The following ABCA9 variants were observed in gnomAD, a reference collection of about 807,000 sequenced individuals.
The protein encoded by ABCA9 is ATP binding cassette subfamily A member 9.
A neutral mutation model predicts 205.3 loss-of-function variants in ABCA9; 183 were observed. That is an observed-to-expected ratio of 0.89 (90% CI 0.79 to 1.01). The LOEUF is 1.01. ABCA9 is among the 50% of genes least tolerant of loss of function. The probability of loss-of-function intolerance (pLI) is 0.00; values close to 1 mark genes in which losing one functional copy is unlikely to be tolerated. For synonymous variants in ABCA9, 651 were observed against 683.3 expected, an observed-to-expected ratio of 0.95 and a Z score of 0.74; for missense variants, 1,805 against 1,912.4, an observed-to-expected ratio of 0.94 and a Z score of 1.05.
At position 69,018,580 on chromosome 17, in the gene ABCA9, CT is replaced by C; in HGVS notation, c.2601-2del. The C allele has an allele frequency of 6.4e-7, 1 of 1,574,486 alleles. No homozygotes were observed. Among genetic ancestry groups the C allele is most frequent in the East Asian group, 2.3e-5 (1 of 43,326 alleles). On this transcript the variant is annotated splice_acceptor_variant, in intron 19 of 38. Transcript: ENST00000340001. LOFTEE classifies it high-confidence loss of function. ...AAAGCTAATACCAAAAAGCAATAAT[CT>C]ATGCAGAGGAAAATGTAAAAGAAAA...
At chr17:69,035,634 G>T in intron 7 of ABCA9, 26 bp downstream of exon 7, 3 of 1,610,386 alleles carry the variant, frequency 1.9e-6, no homozygotes. Context: ...GAGAATAAAA[G>T]ACTTAGATGA....
Position 68,996,030 on chromosome 17 carries a change from A to G in ABCA9, c.3436-16T>C, listed in dbSNP as rs748614606. On this transcript the variant is annotated splice_polypyrimidine_tract_variant and intron_variant, in intron 25 of 38. Coordinates refer to ENST00000340001, the MANE Select transcript of ABCA9 (RefSeq NM_080283.4). ...AGATGACCACCTAAAACAAATGCAC[A>G]GTATAGCGTCATTAAAGTGTACCAA... The G allele has an allele frequency of 5.0e-6, 8 of 1,609,914 alleles. No individual in the cohort carries two copies. Among genetic ancestry groups the G allele is most frequent in the Non-Finnish European group, 5.9e-6 (7 of 1,178,252 alleles).
intron 37 of ABCA9, among the ~76,000 whole-genome samples, chr17:68,980,557 T>G (rs563809208): frequency 2.1e-4 from 32 of 152,070 alleles, no homozygotes; most frequent in African/African-American, 7.7e-4. Flanking sequence ...AATGATAGAC[T>G]GGATTAAGAA....
chr17:69,045,097 T>G (rs2071666535), intron 4 of ABCA9, 75 bp downstream of exon 4: 49 of 1,255,600 alleles, frequency 3.9e-5, no homozygotes, highest in Non-Finnish European at 5.3e-5. Flanking sequence ...TAGTTTCACC[T>G]CTGCTATCAG....
chr17:69,033,838 G>C lies in ABCA9; in HGVS notation c.1164C>G (p.Ala388=). The C allele has an allele frequency of 6.2e-7, 1 of 1,606,182 alleles. No individual in the cohort carries two copies. The highest frequency in any genetic ancestry group is 8.5e-7 in the Non-Finnish European group (1 of 1,174,668). Residue 388 remains alanine (A), a synonymous_variant, in exon 9 of 39, where the codon GCC becomes GCG. Coordinates refer to ENST00000340001, the MANE Select transcript of ABCA9 (RefSeq NM_080283.4). ...ATGGATTTTGTGAAGAATCCAAGTG[G>C]GCATTAGAATTCACATCATAGTCCA... ...IHLDYDVNSN[A]HLDSSQNPYL... is the part of the protein sequence containing the mutation.
At chr17:69,064,909 TG>T (rs2072330625), upstream of ABCA9, among the ~76,000 whole-genome samples, 1 of 152,230 alleles carries the variant, frequency 6.6e-6, no homozygotes, top group South Asian at 2.1e-4. Flanking sequence ...TCTGTATTTT[TG>T]TTACTCTGTC....
chr17:69,046,689 A>G (rs753796428), intron 3 of ABCA9, among the ~76,000 whole-genome samples: 3 of 151,540 alleles, frequency 2.0e-5, no homozygotes, highest in Non-Finnish European at 4.4e-5. Flanking sequence ...AACTCATCAC[A>G]ATAGGCTGAG....
At chr17:69,048,286 T>C (rs1284556795) in intron 3 of ABCA9, among the ~76,000 whole-genome samples, 1 of 152,226 alleles carries the variant, frequency 6.6e-6, no homozygotes. Context: ...TTATGCATCA[T>C]GTCAGGCTCA....
intron 25 of ABCA9, among the ~76,000 whole-genome samples, chr17:69,003,940 A>G (rs1285268348): frequency 1.3e-5 from 2 of 152,066 alleles, no homozygotes; most frequent in Non-Finnish European, 2.9e-5. Flanking sequence ...TTCTTCACGT[A>G]GTTCTCGAGC....
At chr17:69,065,595 T>C (rs2072338727), upstream of ABCA9, among the ~76,000 whole-genome samples, 3 of 152,180 alleles carry the variant, frequency 2.0e-5, no homozygotes, top group Admixed American at 1.3e-4. Flanking sequence ...CATGTTCTCA[T>C]TTACCTCTCT....
chr17:69,020,524 G>T lies in ABCA9; in HGVS notation c.2464C>A (p.Leu822Met). The change falls in exon 19 of 39, where the codon CTG (leucine) becomes ATG (methionine). Residue 822 changes from leucine to methionine, a missense_variant. By Grantham distance (15) the Leu-to-Met change is conservative (BLOSUM62 2). Transcript: ENST00000340001. ...GAKDIGSLVE[L>M]EQVLSSFHET... ...TGGAAGGAAGACAAAACTTGTTCCA[G>T]CTCAACAAGGCTTCCTATATCTTTT... 3 of 1,614,054 alleles carry T rather than the reference G, an allele frequency of 1.9e-6. No individual in the cohort carries two copies. The highest frequency in any genetic ancestry group is 2.5e-6 in the Non-Finnish European group (3 of 1,179,956).
chr17:69,075,146 C>G, the ABCA9 span, among the ~76,000 whole-genome samples: 2 of 151,976 alleles, frequency 1.3e-5, no homozygotes, highest in Admixed American at 1.3e-4. Flanking sequence ...GATATTTGAC[C>G]TTTGTCAGAT....
the ABCA9 span, among the ~76,000 whole-genome samples, chr17:69,074,482 T>C: frequency 1.3e-5 from 2 of 152,212 alleles, no homozygotes; most frequent in Admixed American, 6.5e-5. Flanking sequence ...CTCCCACTTA[T>C]AAGTGAGAAC....
chr17:69,047,425 C>G (rs920192579), intron 3 of ABCA9, among the ~76,000 whole-genome samples: 1 of 151,344 alleles, frequency 6.6e-6, no homozygotes, highest in African/African-American at 2.4e-5. Flanking sequence ...CTGGGTGAAG[C>G]AGGAAATATA....
At chr17:68,996,892 T>G (rs754857882) in intron 25 of ABCA9, among the ~76,000 whole-genome samples, 1 of 152,206 alleles carries the variant, frequency 6.6e-6, no homozygotes, top group Non-Finnish European at 1.5e-5. Context: ...ATTATTGTGT[T>G]CTGAAATAAA....
chr17:69,003,736 C>T (rs2069984073), intron 25 of ABCA9, among the ~76,000 whole-genome samples: 1 of 151,730 alleles, frequency 6.6e-6, no homozygotes, highest in Admixed American at 6.6e-5. Context: ...TCCATTCTCC[C>T]CATCACTTTC....
At chr17:69,007,680 C>T in intron 25 of ABCA9, 79 bp downstream of exon 25, 1 of 933,238 alleles carries the variant, frequency 1.1e-6, no homozygotes. Flanking sequence ...TAATTTGCCA[C>T]TCTGCTTAGC....
chr17:68,984,304 G>C, intron 34 of ABCA9, 129 bp from the exon 35 acceptor site: 1 of 1,279,314 alleles, frequency 7.8e-7, no homozygotes, highest in South Asian at 1.5e-5. Context: ...AAAGGGGTGT[G>C]TGTAGGGATG....
rs562903428 is a variant in ABCA9, at chr17:69,023,865, CACTG to C, written c.2281+345_2281+348del. 0.012 allele frequency among the ~76,000 whole-genome samples: 1,902 copies of C among 152,224 alleles called. 35 individuals are homozygous for C. The highest frequency in any genetic ancestry group is 0.04 in the African/African-American group (1,664 of 41,536). On this transcript the variant is annotated intron_variant, in intron 17 of 38. Transcript: ENST00000340001. The surrounding 1 kb of genome is among the most constrained non-coding windows in gnomAD (Gnocchi z 4.2). ...TTTCAGCTCTTCTTCGATAGTCTGC[CACTG>C]TATTTATATACCTGTTCCTGCCCTG...
Sources: allele counts gnomAD v4.1 joint callset (sites outside exome capture counted in the v4.1 genomes callset), GRCh38; gene constraint gnomAD v4.1.1; non-coding constraint Gnocchi (gnomAD v3.1); transcripts MANE v1.5; gene names NCBI Gene and HGNC (gene_info 2026-07-23, HGNC 2026-07-21).